Variants in DENND1B observed in about 807,000 individuals in gnomAD.
DENND1B encodes the protein DENN domain containing 1B, also known as DENN domain-containing protein 1B.
A neutral mutation model predicts 90.1 loss-of-function variants in DENND1B; 59 were observed. The observed-to-expected ratio is 0.65, with a 90% confidence interval of 0.53 to 0.81. The LOEUF (loss-of-function observed/expected upper bound fraction) is 0.81, where lower values mean the gene tolerates loss of function less well. Ranked by LOEUF, DENND1B falls within the 40% of genes least tolerant of loss-of-function variation. DENND1B has a pLI of 0.00. For missense variants in DENND1B, 862 were observed against 912.6 expected (o/e 0.94, Z 0.71); for synonymous variants, 337 against 324.6 (o/e 1.04, Z -0.41).
At chr1:197,688,531 C>T (rs1235465725) in intron 3 of DENND1B, among the ~76,000 whole-genome samples, 2 of 152,056 alleles carry the variant, frequency 1.3e-5, no homozygotes, top group Non-Finnish European at 2.9e-5. Flanking sequence ...ATATGTTCAA[C>T]TAATTTTCAA....
intron 6 of DENND1B, among the ~76,000 whole-genome samples, chr1:197,657,304 T>C (rs997140375): frequency 1.9e-4 from 29 of 152,206 alleles, no homozygotes; most frequent in African/African-American, 6.5e-4. Context: ...CTATTTGCTA[T>C]TGAGACACAG....
intron 10 of DENND1B, among the ~76,000 whole-genome samples, chr1:197,628,437 A>G (rs897209019): frequency 2.2e-4 from 33 of 152,308 alleles, no homozygotes; most frequent in African/African-American, 7.5e-4. Flanking sequence ...ACGATTCCCT[A>G]TTTAATAAAT....
chr1:197,644,120 C>T (rs1358505136), intron 9 of DENND1B, among the ~76,000 whole-genome samples: 1 of 152,132 alleles, frequency 6.6e-6, no homozygotes, highest in Non-Finnish European at 1.5e-5. Context: ...AGGTTTATTT[C>T]GTGCTTTCTC....
intron 10 of DENND1B, among the ~76,000 whole-genome samples, chr1:197,630,063 G>A (rs1679189600): frequency 6.6e-6 from 1 of 152,112 alleles, no homozygotes; most frequent in South Asian, 2.1e-4. Flanking sequence ...TGCTGATGAA[G>A]ATGTGGAAAA....
At chr1:197,521,312 C>G (rs1383856600) in intron 20 of DENND1B, among the ~76,000 whole-genome samples, 1 of 151,872 alleles carries the variant, frequency 6.6e-6, no homozygotes, top group Non-Finnish European at 1.5e-5. Context: ...AGACTGTTAA[C>G]CTTGCAGTTA....
intron 6 of DENND1B, among the ~76,000 whole-genome samples, chr1:197,654,223 T>TA (rs1653555595): frequency 6.6e-6 from 1 of 152,222 alleles, no homozygotes; most frequent in Non-Finnish European, 1.5e-5. Context: ...AAATCCTATT[T>TA]ATATAAATAA....
intron 15 of DENND1B, among the ~76,000 whole-genome samples, chr1:197,557,318 A>T (rs896088773): frequency 6.6e-6 from 1 of 151,932 alleles, no homozygotes; most frequent in Non-Finnish European, 1.5e-5. Context: ...TAAAGGACTT[A>T]ATTTGCTCTA....
At chr1:197,686,744 T>C (rs1657278712) in intron 3 of DENND1B, among the ~76,000 whole-genome samples, 2 of 151,756 alleles carry the variant, frequency 1.3e-5, no homozygotes, top group Admixed American at 6.6e-5. Context: ...TGTAACTCTC[T>C]TCCTATCTTT....
the DENND1B span, among the ~76,000 whole-genome samples, chr1:197,781,809 A>G: frequency 6.6e-6 from 1 of 152,158 alleles, no homozygotes; most frequent in Non-Finnish European, 1.5e-5. Flanking sequence ...TTTACTACCA[A>G]ATCTGAACAT....
chr1:197,575,307 T>C (rs1243252367), intron 15 of DENND1B, among the ~76,000 whole-genome samples: 4 of 151,998 alleles, frequency 2.6e-5, no homozygotes, highest in Admixed American at 2.6e-4. Flanking sequence ...AAGACATTTA[T>C]GCTGCCAACA....
In DENND1B at chr1:197,528,697, A is replaced by G. The variant is rs191160043; in HGVS notation, c.1515+11267T>C. On this transcript the variant is annotated intron_variant, in intron 20 of 22. Transcript: ENST00000620048. ...AAAACGGTGAAACCCCGTCTCTACT[A>G]AAAATACAAAAAATTAGCCGGGCGT... 1.2e-3 allele frequency among the ~76,000 whole-genome samples: 189 copies of G among 151,922 alleles called. 4 individuals carry two copies. In the East Asian group the frequency reaches 0.03, roughly 24 times the overall value.
intron 3 of DENND1B, among the ~76,000 whole-genome samples, chr1:197,713,828 T>TA (rs1315745485): frequency 4.3e-5 from 1 of 23,024 alleles, no homozygotes; most frequent in Non-Finnish European, 7.5e-5. Context: ...TAATATATTA[T>TA]ATATAATATA....
intron 3 of DENND1B, among the ~76,000 whole-genome samples, chr1:197,692,030 G>C (rs1657944846): frequency 6.6e-6 from 1 of 151,730 alleles, no homozygotes; most frequent in African/African-American, 2.4e-5. Context: ...ATAAGTTCTA[G>C]AGGTCTGATA....
At chr1:197,593,349 C>T (rs1295237542) in intron 14 of DENND1B, among the ~76,000 whole-genome samples, 2 of 145,900 alleles carry the variant, frequency 1.4e-5, no homozygotes, top group African/African-American at 5.0e-5. Context: ...AATGAAAATA[C>T]TCCTAAAAAA....
chr1:197,758,227 G>A (rs781720231), intron 2 of DENND1B, among the ~76,000 whole-genome samples: 2 of 152,124 alleles, frequency 1.3e-5, no homozygotes, highest in African/African-American at 4.8e-5. Context: ...TAATCACAGC[G>A]CAAAATACCA....
chr1:197,687,616 T>A (rs77162508), intron 3 of DENND1B, among the ~76,000 whole-genome samples: 1 of 152,074 alleles, frequency 6.6e-6, no homozygotes. Context: ...AATTCAACAC[T>A]TTTTCATAAT....
chr1:197,605,996 C>T (rs972210288), intron 13 of DENND1B: 7 of 151,016 alleles, frequency 4.6e-5, no homozygotes, highest in African/African-American at 1.7e-4. Context: ...TTCAATATTA[C>T]AGAAAAATAT....
chr1:197,627,405 T>C lies in DENND1B; in HGVS notation c.673-9646A>G, dbSNP rs556814539. On this transcript the variant is annotated intron_variant, in intron 10 of 22. Transcript: ENST00000620048. ...AAATCAATAAATGTAATCCAGCATA[T>C]AAACAGAACCAAAGACAAAAACCAC... Among the ~76,000 whole-genome samples the C allele has an allele frequency of 4.6e-5, 7 of 152,220 alleles. No individual in the cohort carries two copies. The East Asian group carries it at 1.2e-3, about 25-fold the overall frequency.
intron 5 of DENND1B, among the ~76,000 whole-genome samples, chr1:197,662,186 C>T (rs1010644052): frequency 6.6e-6 from 1 of 151,922 alleles, no homozygotes; most frequent in African/African-American, 2.4e-5. Context: ...ATCTCTAAGG[C>T]CCCAAAATAC....
Sources: gnomAD v4.1 joint callset for allele counts (sites outside exome capture counted in the v4.1 genomes callset) on GRCh38, gnomAD v4.1.1 for gene constraint, MANE v1.5 for transcripts, NCBI Gene and HGNC (gene_info 2026-07-23, HGNC 2026-07-21) for gene names.